GRID1: variants seen among roughly 807,000 people sequenced by gnomAD.
The protein encoded by GRID1 is glutamate ionotropic receptor delta type subunit 1.
In GRID1, 28 loss-of-function variants were observed where a neutral mutation model predicts 98.0. The observed-to-expected ratio is 0.29, with a 90% CI of 0.21 to 0.39. GRID1 has a LOEUF of 0.39. Ranked by LOEUF, GRID1 falls within the 10% of genes least tolerant of loss-of-function variation. The probability of loss-of-function intolerance (pLI) is 1.00; values close to 1 mark genes in which losing one functional copy is unlikely to be tolerated. For synonymous variants in GRID1, 553 were observed against 538.5 expected, an observed-to-expected ratio of 1.03 and a Z score of -0.37; for missense variants, 1,111 against 1,340.5, an observed-to-expected ratio of 0.83 and a Z score of 2.67.
chr10:86,330,478 G>C (rs1409322898), intron 2 of GRID1, among the ~76,000 whole-genome samples: 1 of 152,120 alleles, frequency 6.6e-6, no homozygotes, highest in Non-Finnish European at 1.5e-5. Flanking sequence ...AAGACAGATG[G>C]CCAGGAGCAG....
At chr10:85,636,452 A>G (rs1459040530) in intron 13 of GRID1, among the ~76,000 whole-genome samples, 1 of 152,232 alleles carries the variant, frequency 6.6e-6, no homozygotes, top group Non-Finnish European at 1.5e-5. Context: ...TGATTATTGA[A>G]CAACCACAGA....
chr10:86,245,409 C>T (rs1177182113), intron 2 of GRID1, among the ~76,000 whole-genome samples: 5 of 143,228 alleles, frequency 3.5e-5, no homozygotes, highest in Middle Eastern at 3.5e-3. Flanking sequence ...TACTACCATT[C>T]GCTTTACTCC....
chr10:85,979,341 T>C (rs1302113424), intron 4 of GRID1, among the ~76,000 whole-genome samples: 1 of 152,172 alleles, frequency 6.6e-6, no homozygotes, highest in Non-Finnish European at 1.5e-5. Flanking sequence ...TGAGGGTGTG[T>C]TCATTTGCTA....
At chr10:85,797,102 C>A (rs1355630322) in intron 8 of GRID1, among the ~76,000 whole-genome samples, 1 of 151,864 alleles carries the variant, frequency 6.6e-6, no homozygotes, top group Non-Finnish European at 1.5e-5. Flanking sequence ...ATATAAGAAA[C>A]CAAAATGGGA....
intron 13 of GRID1, among the ~76,000 whole-genome samples, chr10:85,635,193 A>G (rs1031105115): frequency 6.6e-5 from 10 of 152,186 alleles, no homozygotes; most frequent in Admixed American, 3.9e-4. Flanking sequence ...ATTCATAATG[A>G]GATTTGCTTG....
At chr10:86,146,743 C>T (rs990147820) in intron 3 of GRID1, among the ~76,000 whole-genome samples, 1 of 152,206 alleles carries the variant, frequency 6.6e-6, no homozygotes, top group African/African-American at 2.4e-5. Context: ...ACAGCCCTGT[C>T]CTGGAGGAGC....
intron 5 of GRID1, among the ~76,000 whole-genome samples, chr10:85,892,253 G>A (rs1841213265): frequency 6.7e-6 from 1 of 149,742 alleles, no homozygotes. Context: ...CAGAGCATTA[G>A]TGAGAATAGA....
At chr10:85,894,875 G>A (rs1368607622) in intron 5 of GRID1, among the ~76,000 whole-genome samples, 1 of 151,444 alleles carries the variant, frequency 6.6e-6, no homozygotes, top group Non-Finnish European at 1.5e-5. Flanking sequence ...CGGCATGGTG[G>A]TGTGCACCTG....
intron 8 of GRID1, among the ~76,000 whole-genome samples, chr10:85,766,200 T>G (rs538467995): frequency 6.6e-6 from 1 of 152,180 alleles, no homozygotes; most frequent in Non-Finnish European, 1.5e-5. Context: ...AATTTGACAA[T>G]AGGGACTGGG....
At chr10:86,104,053 C>T (rs960138244) in intron 4 of GRID1, among the ~76,000 whole-genome samples, 2 of 152,186 alleles carry the variant, frequency 1.3e-5, no homozygotes, top group Non-Finnish European at 2.9e-5. Flanking sequence ...TGTAAGGGTG[C>T]ACATGTGCAT....
intron 13 of GRID1, among the ~76,000 whole-genome samples, chr10:85,639,127 T>C (rs73338998): frequency 0.018 from 2,776 of 152,306 alleles, 61 homozygotes; most frequent in African/African-American, 0.056. Context: ...ATATTGTTCA[T>C]ATTGTCATAT....
At chr10:86,159,972 TCAC>T (rs1281235515) in intron 3 of GRID1, among the ~76,000 whole-genome samples, 2 of 152,046 alleles carry the variant, frequency 1.3e-5, no homozygotes, top group South Asian at 2.1e-4. Flanking sequence ...ACCTTCATCA[TCAC>T]CACCATCATC....
chr10:85,848,403 G>A (rs960962498), intron 8 of GRID1, among the ~76,000 whole-genome samples: 1 of 152,074 alleles, frequency 6.6e-6, no homozygotes, highest in Admixed American at 6.6e-5. Flanking sequence ...CATCAGATAG[G>A]AAGATGAAAT....
chr10:86,154,192 C>A (rs928183354), intron 3 of GRID1, among the ~76,000 whole-genome samples: 1 of 152,196 alleles, frequency 6.6e-6, no homozygotes, highest in African/African-American at 2.4e-5. Context: ...GGGTAGATGT[C>A]CTTCCTGCCA....
At chr10:86,302,486 A>G (rs1902684) in intron 2 of GRID1, among the ~76,000 whole-genome samples, 143,433 of 152,314 alleles carry the variant, frequency 0.94, 68,058 homozygotes, top group African/African-American at 0.99. Context: ...CTACAACCTC[A>G]CATGGCCAAG....
chr10:85,756,613 TTCA>T (rs1345267101), intron 8 of GRID1, among the ~76,000 whole-genome samples: 1 of 152,212 alleles, frequency 6.6e-6, no homozygotes, highest in Non-Finnish European at 1.5e-5. Context: ...GGAGTGAGAC[TTCA>T]TCACGTTACT....
intron 4 of GRID1, among the ~76,000 whole-genome samples, chr10:85,936,518 TA>T (rs58110757): frequency 4.1e-4 from 60 of 145,792 alleles, no homozygotes; most frequent in Admixed American, 3.4e-4. Context: ...AGCACCAAAC[TA>T]AAAAAAAAAA....
At chr10:86,339,871 G>A (rs947761291) in intron 2 of GRID1, among the ~76,000 whole-genome samples, 1 of 152,206 alleles carries the variant, frequency 6.6e-6, no homozygotes, top group Non-Finnish European at 1.5e-5. Context: ...TTCCACTTGG[G>A]ATAGAGGTGA....
chr10:86,035,995 A>T (rs1225271343), intron 4 of GRID1, among the ~76,000 whole-genome samples: 1 of 152,196 alleles, frequency 6.6e-6, no homozygotes, highest in Non-Finnish European at 1.5e-5. Context: ...GCGTGTCTTC[A>T]AAAGGCAGGG....
Sources: gnomAD v4.1 joint callset for allele counts (sites outside exome capture counted in the v4.1 genomes callset) on GRCh38, gnomAD v4.1.1 for gene constraint, MANE v1.5 for transcripts, NCBI Gene and HGNC (gene_info 2026-07-23, HGNC 2026-07-21) for gene names.